Variants in ANKRD11 observed in about 807,000 individuals in gnomAD.
ANKRD11 encodes ankyrin repeat domain-containing protein 11.
A neutral mutation model predicts 195.7 loss-of-function variants in ANKRD11; 17 were observed. That is an observed-to-expected ratio of 0.09 (90% CI 0.06 to 0.13). The LOEUF is 0.13. Among genes scored for constraint, ANKRD11 ranks in the 10% least tolerant of loss-of-function variants. ANKRD11 has a pLI of 1.00. For synonymous variants in ANKRD11, 1,953 were observed against 1,528.1 expected (o/e 1.28, Z -6.49); for missense variants, 3,735 against 3,566.1 (o/e 1.05, Z -1.21).
chr16:89,339,770 T>C (rs1299442251), intron 2 of ANKRD11: 1 of 152,210 alleles, frequency 6.6e-6, no homozygotes, highest in African/African-American at 2.4e-5. Context: ...AATTACATAA[T>C]GGTTGAAGCC....
At chr16:89,451,669 G>A (rs926352987) in intron 1 of ANKRD11, among the ~76,000 whole-genome samples, 4 of 151,872 alleles carry the variant, frequency 2.6e-5, no homozygotes, top group East Asian at 1.9e-4. Flanking sequence ...TGCAAGCCTC[G>A]GCCTCCCAAA....
chr16:89,272,428 A>G (rs1452481703), intron 11 of ANKRD11: 1 of 152,306 alleles, frequency 6.6e-6, no homozygotes, highest in African/African-American at 2.4e-5. Context: ...GGGGCCAGGC[A>G]CGGTGGCTCA....
At chr16:89,468,982 A>G (rs1302239727) in intron 1 of ANKRD11, among the ~76,000 whole-genome samples, 1 of 152,212 alleles carries the variant, frequency 6.6e-6, no homozygotes, top group East Asian at 1.9e-4. Flanking sequence ...CATTCCTGAT[A>G]CTTAGCAAAC....
intron 2 of ANKRD11, chr16:89,372,715 C>T (rs761410282): frequency 6.6e-6 from 1 of 152,126 alleles, no homozygotes; most frequent in African/African-American, 2.4e-5. Context: ...TGCTAGTAAA[C>T]GCTGAGCCCG....
intron 3 of ANKRD11, 34 bp downstream of exon 3, chr16:89,316,899 G>T: frequency 3.7e-6 from 6 of 1,606,676 alleles, no homozygotes; most frequent in Non-Finnish European, 4.3e-6. Context: ...TCTGGGTGCG[G>T]TGAGCATGCA....
intron 1 of ANKRD11, among the ~76,000 whole-genome samples, chr16:89,448,623 T>C (rs1271065824): frequency 6.6e-6 from 1 of 152,230 alleles, no homozygotes; most frequent in South Asian, 2.1e-4. Context: ...TTCCAAATAA[T>C]CTTCAAATAC....
intron 1 of ANKRD11, chr16:89,489,225 AC>A (rs2057723599): frequency 6.7e-6 from 1 of 148,838 alleles, no homozygotes; most frequent in African/African-American, 2.5e-5. Context: ...ACACACACAC[AC>A]GCGCGCGCGC....
At chr16:89,306,958 C>T (rs535618925) in intron 3 of ANKRD11, among the ~76,000 whole-genome samples, 1 of 152,000 alleles carries the variant, frequency 6.6e-6, no homozygotes, top group African/African-American at 2.4e-5. Context: ...ACACACACAG[C>T]GCTTGGGACG....
At position 89,406,544 on chromosome 16, in the gene ANKRD11, G is replaced by C. The variant is rs76552903; in HGVS notation, c.-60+11740C>G. On this transcript the variant is annotated intron_variant, in intron 2 of 12. Coordinates refer to ENST00000301030, the MANE Select transcript of ANKRD11 (RefSeq NM_013275.6). ...TCAGCACGCAGACACACAGGCACCA[G>C]AGGCTGCAGCGAGGAAGACAGATGT... is the stretch of plus-strand genomic sequence containing the variant. Among the ~76,000 whole-genome samples the C allele has an allele frequency of 4.6e-3, 702 of 152,356 alleles. 3 individuals are homozygous for C. The highest frequency in any genetic ancestry group is 0.016 in the African/African-American group (675 of 41,586).
Position 89,280,674 on chromosome 16 carries a change from C to A in ANKRD11, c.5868G>T (p.Gln1956His), listed in dbSNP as rs749913159. The A allele has an allele frequency of 4.3e-6, 7 of 1,613,308 alleles. No individual in the cohort carries two copies. In the African/African-American group the frequency reaches 9.3e-5, roughly 22 times the overall value. Residue 1956 changes from glutamine to histidine, a missense_variant, in exon 9 of 13, where the codon CAG becomes CAT. Coordinates refer to ENST00000301030, the MANE Select transcript of ANKRD11 (RefSeq NM_013275.6). ...EPVEWAHPSEQALASSLIGGT... is the reference protein window; with the variant it reads ...EPVEWAHPSEHALASSLIGGT... Reference sequence around the variant, plus strand: ...CCCCGATCAGGCTAGAGGCAAGCGCCTGCTCGGAGGGGTGGGCCCACTCAA... The same window carrying A: ...CCCCGATCAGGCTAGAGGCAAGCGCATGCTCGGAGGGGTGGGCCCACTCAA...
chr16:89,404,007 T>C (rs2041809591), intron 2 of ANKRD11, among the ~76,000 whole-genome samples: 4 of 152,164 alleles, frequency 2.6e-5, no homozygotes, highest in African/African-American at 9.7e-5. Context: ...GGTGAAAGAA[T>C]GCAAGAGACT....
Position 89,285,986 on chromosome 16 carries a change from G to A in ANKRD11, c.892+53C>T, listed in dbSNP as rs559576767. Reference sequence around the variant, plus strand: ...AACACTGTGCAAACACCACAGGGCAGCTCCTACCATCCCTGCATAAAAGAA... The same window carrying A: ...AACACTGTGCAAACACCACAGGGCAACTCCTACCATCCCTGCATAAAAGAA... On this transcript the variant is annotated intron_variant, in intron 8 of 12. Transcript: ENST00000301030. This position sits in a 1 kb window ranked among gnomAD's most constrained non-coding sequence, Gnocchi z 5.6. 3 of 1,613,150 alleles carry A rather than the reference G, an allele frequency of 1.9e-6. No homozygotes were observed. Among genetic ancestry groups the A allele is most frequent in the South Asian group, 2.2e-5 (2 of 91,040 alleles).
At chr16:89,353,511 TG>T (rs1191386581) in intron 2 of ANKRD11, among the ~76,000 whole-genome samples, 12 of 152,094 alleles carry the variant, frequency 7.9e-5, no homozygotes, top group African/African-American at 2.6e-4. Context: ...AGAGTCTTAC[TG>T]TGTCACCCAG....
chr16:89,358,999 AT>A (rs549552533), intron 2 of ANKRD11, among the ~76,000 whole-genome samples: 3 of 152,008 alleles, frequency 2.0e-5, no homozygotes, highest in Non-Finnish European at 2.9e-5. Context: ...CTAATTTTCT[AT>A]TTTTTGTAAA....
intron 1 of ANKRD11, among the ~76,000 whole-genome samples, chr16:89,485,211 C>T (rs959341303): frequency 7.2e-5 from 11 of 151,828 alleles, no homozygotes; most frequent in African/African-American, 2.4e-4. Context: ...TGGCTAGGCG[C>T]GGTAGTTCAC....
chr16:89,310,689 T>C (rs978912911), intron 3 of ANKRD11, among the ~76,000 whole-genome samples: 3 of 152,218 alleles, frequency 2.0e-5, no homozygotes, highest in Admixed American at 2.0e-4. Context: ...CCCAAAATAA[T>C]CCGTATTTTT....
chr16:89,489,782 G>A (rs1165039907), intron 1 of ANKRD11, among the ~76,000 whole-genome samples: 5 of 130,626 alleles, frequency 3.8e-5, no homozygotes, highest in East Asian at 2.4e-4. Context: ...AGCCCCCGAG[G>A]CCCGCCCCGG....
intron 1 of ANKRD11, among the ~76,000 whole-genome samples, chr16:89,428,291 C>T (rs149441196): frequency 0.024 from 3,643 of 152,062 alleles, 125 homozygotes; most frequent in East Asian, 0.16. Flanking sequence ...TTTGGGAGGC[C>T]AAGGCGGGCA....
At chr16:89,324,399 G>A (rs751168391) in intron 2 of ANKRD11, 39 of 558,762 alleles carry the variant, frequency 7.0e-5, no homozygotes, top group Non-Finnish European at 9.3e-5. Context: ...TCTCAGCTTC[G>A]TTAGTCATCA....
Sources: allele counts gnomAD v4.1 joint callset (sites outside exome capture counted in the v4.1 genomes callset), GRCh38; gene constraint gnomAD v4.1.1; non-coding constraint Gnocchi (gnomAD v3.1); transcripts MANE v1.5; gene names NCBI Gene and HGNC (gene_info 2026-07-23, HGNC 2026-07-21).